BBS4: variants seen among roughly 807,000 people sequenced by gnomAD.
BBS4 encodes Bardet-Biedl syndrome 4, also known as BBSome complex member BBS4.
In BBS4, 58 loss-of-function variants were observed where a neutral mutation model predicts 71.4. That is an observed-to-expected ratio of 0.81 (90% CI 0.66 to 1.01). BBS4 has a LOEUF of 1.01. BBS4 is among the 50% of genes least tolerant of loss of function. The pLI is 0.00. For synonymous variants in BBS4, 228 were observed against 216.8 expected (o/e 1.05, Z -0.46); for missense variants, 660 against 607.9 (o/e 1.09, Z -0.90).
chr15:72,715,493 C>A, intron 5 of BBS4, 91 bp downstream of exon 5: 1 of 855,540 alleles, frequency 1.2e-6, no homozygotes, highest in South Asian at 1.3e-5. Context: ...GCAGCTGCAT[C>A]AGCCTGATAC....
intron 12 of BBS4, among the ~76,000 whole-genome samples, chr15:72,733,176 G>A (rs1426973939): frequency 6.6e-6 from 1 of 152,162 alleles, no homozygotes. Context: ...AGGCTAAAGT[G>A]GGGTGTGATG....
intron 2 of BBS4, among the ~76,000 whole-genome samples, chr15:72,704,039 G>A (rs2065220620): frequency 6.6e-6 from 1 of 152,166 alleles, no homozygotes; most frequent in African/African-American, 2.4e-5. Context: ...TCCTTAAAGG[G>A]AGAAAGAAGG....
intron 2 of BBS4, among the ~76,000 whole-genome samples, chr15:72,696,954 G>A (rs1169882828): frequency 6.7e-6 from 1 of 149,058 alleles, no homozygotes; most frequent in African/African-American, 2.5e-5. Context: ...TGTTTTTGAG[G>A]CGGAGGCTCG....
intron 2 of BBS4, among the ~76,000 whole-genome samples, chr15:72,695,841 G>A (rs2065067063): frequency 6.6e-6 from 1 of 152,194 alleles, no homozygotes; most frequent in Non-Finnish European, 1.5e-5. Flanking sequence ...TTGGTTTCTA[G>A]TTTAATTCTA....
At chr15:72,699,073 C>G (rs1179484477) in intron 2 of BBS4, among the ~76,000 whole-genome samples, 2 of 152,054 alleles carry the variant, frequency 1.3e-5, no homozygotes, top group Admixed American at 1.3e-4. Flanking sequence ...GTATCCTCAC[C>G]TCTGAGTCTA....
At chr15:72,698,072 C>T in intron 2 of BBS4, 1 of 455,784 alleles carries the variant, frequency 2.2e-6, no homozygotes, top group East Asian at 7.0e-5. Flanking sequence ...AGTCTATTTT[C>T]TTCCTTAAAG....
intron 15 of BBS4, 149 bp downstream of exon 15, chr15:72,737,112 C>T (rs1450410430): frequency 2.1e-6 from 2 of 973,896 alleles, no homozygotes; most frequent in African/African-American, 3.2e-5. Context: ...CACAGGGTGG[C>T]TAAATTGGCA....
chr15:72,686,278 C>G, intron 1 of BBS4, 27 bp downstream of exon 1: 1 of 1,560,580 alleles, frequency 6.4e-7, no homozygotes, highest in Non-Finnish European at 8.7e-7. Context: ...TCTTTAGTTG[C>G]CCGGCCGCAG....
rs993654032 is a variant in BBS4, at chr15:72,738,321, T to A, written c.*734T>A. 2.2e-6 allele frequency: 1 copy of A among 454,140 alleles called. No individual in the cohort carries two copies. The highest frequency in any genetic ancestry group is 4.4e-6 in the Non-Finnish European group (1 of 226,796). The allele number at this position is 454,140 out of a possible 1,614,324, so 28.1% of individuals were successfully genotyped here. ...AAGAGTTTCTTAGATGAGTAATTGT[T>A]ATTGAAGATAGTCAGTGATAACCAC... On this transcript the variant is annotated 3_prime_UTR_variant, in exon 16 of 16. Coordinates refer to ENST00000268057, the MANE Select transcript of BBS4 (RefSeq NM_033028.5).
At chr15:72,729,161 CTT>C (rs71137313) in intron 9 of BBS4, among the ~76,000 whole-genome samples, 5,536 of 69,714 alleles carry the variant, frequency 0.079, 272 homozygotes, top group East Asian at 0.4. Context: ...ACTGTAGCTG[CTT>C]TTTTTTTTTT....
At chr15:72,714,927 A>G (rs1410624590) in intron 4 of BBS4, among the ~76,000 whole-genome samples, 3 of 152,244 alleles carry the variant, frequency 2.0e-5, no homozygotes, top group Non-Finnish European at 1.5e-5. Context: ...TCTGAAAACT[A>G]TCAGTTGGAA....
Position 72,733,096 on chromosome 15 carries a change from T to C in BBS4, c.1036+1370T>C, listed in dbSNP as rs1325518496. ...TCTTGTAGGGGTTATATCTAGGAAT[T>C]AGCTGACTGTGGGAGGGACAGTCTC... On this transcript the variant is annotated intron_variant, in intron 12 of 15. Transcript: ENST00000268057. Among the ~76,000 whole-genome samples the C allele has an allele frequency of 2.6e-5, 4 of 152,110 alleles. No homozygotes were observed. In the East Asian group the frequency reaches 7.7e-4, roughly 29 times the overall value.
At chr15:72,736,715 T>C in intron 14 of BBS4, 47 bp from the exon 15 acceptor site, 3 of 1,601,048 alleles carry the variant, frequency 1.9e-6, no homozygotes, top group Non-Finnish European at 2.6e-6. Context: ...TTGGCTTGTC[T>C]CTGACAGTCA....
Position 72,735,870 on chromosome 15 carries a change from C to G in BBS4, c.1152C>G (p.Asn384Lys). The change falls in exon 14 of 16, where the codon AAC (asparagine) becomes AAG (lysine). Residue 384 changes from asparagine (N) to lysine (K), a missense_variant. Coordinates refer to ENST00000268057, the MANE Select transcript of BBS4 (RefSeq NM_033028.5). ...TGAACTATGCTGTGCTGCTGTACAA[C>G]CAGGGCGAGAAGAAGAACGCCCTGG... ...VNLNYAVLLY[N>K]QGEKKNALAQ... 1 of 1,614,142 alleles carries G rather than the reference C, an allele frequency of 6.2e-7. No homozygotes were observed. Among genetic ancestry groups the G allele is most frequent in the Non-Finnish European group, 8.5e-7 (1 of 1,180,020 alleles).
At chr15:72,714,220 CTTTTTTT>C (rs58123834) in intron 4 of BBS4, among the ~76,000 whole-genome samples, 6 of 98,482 alleles carry the variant, frequency 6.1e-5, no homozygotes, top group South Asian at 3.7e-4. Context: ...CACTCACTTA[CTTTTTTT>C]TTTTTTTTTT....
At chr15:72,737,359 G>A (rs1020346241) in intron 15 of BBS4, 119 bp from the exon 16 acceptor site, 1 of 832,916 alleles carries the variant, frequency 1.2e-6, no homozygotes, top group African/African-American at 1.7e-5. Flanking sequence ...TATAGTTAAT[G>A]GGTCAGTCCC....
At chr15:72,702,847 G>C (rs1412136431) in intron 2 of BBS4, among the ~76,000 whole-genome samples, 1 of 112,426 alleles carries the variant, frequency 8.9e-6, no homozygotes, top group Non-Finnish European at 1.7e-5. Flanking sequence ...TCGCTCTGTC[G>C]CCCAGGCTGG....
At chr15:72,717,577 A>T (rs2065490012) in intron 6 of BBS4, among the ~76,000 whole-genome samples, 4 of 152,130 alleles carry the variant, frequency 2.6e-5, no homozygotes, top group Admixed American at 1.3e-4. Flanking sequence ...CAACTTTCCC[A>T]GAAGTCCCCC....
Position 72,715,297 on chromosome 15 carries a change from T to C in BBS4, c.227T>C (p.Ile76Thr). The C allele has an allele frequency of 1.2e-6, 2 of 1,609,630 alleles. No individual in the cohort carries two copies. The highest frequency in any genetic ancestry group is 1.7e-6 in the Non-Finnish European group (2 of 1,176,098). Residue 76 changes from isoleucine (I) to threonine (T), a missense_variant, in exon 5 of 16, where the codon ATA becomes ACA. Physicochemically the swap from Ile to Thr is moderately conservative, Grantham distance 89. Coordinates refer to ENST00000268057, the MANE Select transcript of BBS4 (RefSeq NM_033028.5). ...CEYAIYVQAL[I>T]FRLEGNIQES... ...ATTTTCTGTTTCTTGGCAGCATTGATATTTCGCCTAGAAGGAAATATCCAA... is the reference window on the plus strand; with the variant it reads ...ATTTTCTGTTTCTTGGCAGCATTGACATTTCGCCTAGAAGGAAATATCCAA...
Sources: gnomAD v4.1 joint callset for allele counts (sites outside exome capture counted in the v4.1 genomes callset) on GRCh38, gnomAD v4.1.1 for gene constraint, MANE v1.5 for transcripts, NCBI Gene and HGNC (gene_info 2026-07-23, HGNC 2026-07-21) for gene names.